SERP2: variants seen among roughly 807,000 people sequenced by gnomAD.
SERP2 encodes the protein stress-associated endoplasmic reticulum protein 2.
In SERP2, 6 loss-of-function variants were observed where a neutral mutation model predicts 9.1. The observed-to-expected ratio is 0.66, with a 90% CI of 0.36 to 1.30. SERP2 has a LOEUF of 1.30. Ranked by LOEUF, SERP2 falls within the 50% of genes most tolerant of loss-of-function variation. The pLI is 0.03. For synonymous variants in SERP2, 37 were observed against 27.3 expected (o/e 1.35, Z -1.10); for missense variants, 58 against 81.9 (o/e 0.71, Z 1.13).
At chr13:44,386,537 C>T (rs1158133540) in intron 2 of SERP2, among the ~76,000 whole-genome samples, 1 of 152,208 alleles carries the variant, frequency 6.6e-6, no homozygotes, top group Non-Finnish European at 1.5e-5. Context: ...GCATGCGCCA[C>T]CATGCCCAGC....
intron 2 of SERP2, among the ~76,000 whole-genome samples, chr13:44,380,795 C>A (rs1260131343): frequency 2.6e-5 from 4 of 152,178 alleles, no homozygotes; most frequent in African/African-American, 9.7e-5. Context: ...TTTACCCAAT[C>A]CCTATTTGAA....
At chr13:44,374,133 A>T in intron 1 of SERP2, 24 bp downstream of exon 1, 2 of 1,140,388 alleles carry the variant, frequency 1.8e-6, no homozygotes, top group Non-Finnish European at 2.3e-6. Context: ...GGCGCCGGCC[A>T]GGCAGAGCCC....
At position 44,373,892 on chromosome 13, in the gene SERP2, G is replaced by A. The variant is rs1192495025; in HGVS notation, c.-134G>A. The A allele has an allele frequency of 2.2e-5, 16 of 727,112 alleles. No homozygotes were observed. The highest frequency in any genetic ancestry group is 5.7e-5 in the African/African-American group (3 of 53,078). 45.0% of individuals were successfully genotyped at this position (727,112 alleles called of 1,614,324 possible). A position where few individuals can be genotyped will look rare whatever the true frequency, so the allele number is the denominator to read the frequency against. On this transcript the variant is annotated 5_prime_UTR_variant, in exon 1 of 3. Transcript: ENST00000379179. The surrounding 1 kb of genome is among the most constrained non-coding windows in gnomAD (Gnocchi z 4.8). ...GGGCTCGGGGAGCGGGGTGCGCAGG[G>A]CTCGGGGCCACGCCTTGCCACCTGC...
chr13:44,396,840 G>A (rs9533841), intron 2 of SERP2, among the ~76,000 whole-genome samples: 15,523 of 152,230 alleles, frequency 0.1, 1,010 homozygotes, highest in Middle Eastern at 0.18. Context: ...GCACCTGGTC[G>A]GCCTTCCCAG....
intron 2 of SERP2, among the ~76,000 whole-genome samples, chr13:44,388,342 A>ACGTG (rs1872444251): frequency 6.6e-6 from 1 of 152,110 alleles, no homozygotes; most frequent in Non-Finnish European, 1.5e-5. Context: ...GTGTTCATGA[A>ACGTG]TGTGTATGTA....
chr13:44,374,208 G>C, intron 1 of SERP2, 99 bp downstream of exon 1: 1 of 807,144 alleles, frequency 1.2e-6, no homozygotes, highest in Non-Finnish European at 1.8e-6. Flanking sequence ...GCAGGGTCCG[G>C]CCTCCCGGCT....
intron 2 of SERP2, among the ~76,000 whole-genome samples, chr13:44,392,196 CAA>C (rs760513486): frequency 2.8e-5 from 1 of 35,980 alleles, no homozygotes; most frequent in Non-Finnish European, 4.4e-5. Flanking sequence ...GACTCTGTCT[CAA>C]AAAAAAAAAA....
chr13:44,392,055 G>C (rs1395848357), intron 2 of SERP2, among the ~76,000 whole-genome samples: 3 of 151,456 alleles, frequency 2.0e-5, no homozygotes, highest in Non-Finnish European at 4.4e-5. Context: ...AAAATTAGCT[G>C]GGCATGGTGG....
intron 2 of SERP2, among the ~76,000 whole-genome samples, chr13:44,395,509 CAGG>C (rs766324648): frequency 6.7e-6 from 1 of 148,938 alleles, no homozygotes; most frequent in East Asian, 2.0e-4. Context: ...GAGCCTGAGG[CAGG>C]AGAATGGCGT....
chr13:44,385,709 T>G (rs1872274869), intron 2 of SERP2, among the ~76,000 whole-genome samples: 4 of 152,204 alleles, frequency 2.6e-5, no homozygotes, highest in South Asian at 4.1e-4. Context: ...TTTTGTCAGC[T>G]GAATGACCTT....
chr13:44,380,714 T>A (rs780065144), intron 2 of SERP2, among the ~76,000 whole-genome samples: 7 of 152,162 alleles, frequency 4.6e-5, no homozygotes, highest in Non-Finnish European at 1.0e-4. Flanking sequence ...TGAGAAAATC[T>A]TACACTCAAA....
chr13:44,376,774 AAAAAAAAAAAGG>A (rs1260748235), intron 1 of SERP2, among the ~76,000 whole-genome samples: 2 of 145,170 alleles, frequency 1.4e-5, no homozygotes, highest in African/African-American at 2.5e-5. Flanking sequence ...GACTCCGTCT[AAAAAAAAAAAGG>A]AAACAGAGAA....
intron 2 of SERP2, among the ~76,000 whole-genome samples, chr13:44,394,297 G>A (rs1872957021): frequency 1.3e-5 from 2 of 152,076 alleles, no homozygotes; most frequent in South Asian, 4.1e-4. Flanking sequence ...GCTAATTTTT[G>A]TATTTTTAGT....
chr13:44,374,171 T>TGGGGGGGGTGGG, intron 1 of SERP2, 62 bp downstream of exon 1: 1 of 94,476 alleles, frequency 1.1e-5, no homozygotes, highest in Non-Finnish European at 1.7e-5. Context: ...GGGCGGAAGG[T>TGGGGGGGGTGGG]GGGGGCGGGG....
At chr13:44,387,638 G>A (rs1159553772) in intron 2 of SERP2, among the ~76,000 whole-genome samples, 1 of 152,098 alleles carries the variant, frequency 6.6e-6, no homozygotes, top group Non-Finnish European at 1.5e-5. Flanking sequence ...TCTGAGCTCT[G>A]GGTGTGATAC....
At chr13:44,388,338 A>T (rs1872443292) in intron 2 of SERP2, among the ~76,000 whole-genome samples, 1 of 6,272 alleles carries the variant, frequency 1.6e-4, no homozygotes, top group African/African-American at 4.9e-4. Flanking sequence ...TAGTGTGTTC[A>T]TGAATGTGTA....
intron 1 of SERP2, among the ~76,000 whole-genome samples, chr13:44,375,513 T>C (rs1871599467): frequency 6.6e-6 from 1 of 152,152 alleles, no homozygotes; most frequent in Non-Finnish European, 1.5e-5. Context: ...TCCCTATTTT[T>C]ACTGAGGAAA....
chr13:44,384,197 T>A (rs1275096033), intron 2 of SERP2, among the ~76,000 whole-genome samples: 2 of 152,160 alleles, frequency 1.3e-5, no homozygotes, highest in East Asian at 3.9e-4. Flanking sequence ...AAACAGAACA[T>A]GTCATGGGAA....
At chr13:44,396,226 T>C (rs1156503665) in intron 2 of SERP2, 1 of 165,826 alleles carries the variant, frequency 6.0e-6, no homozygotes, top group Admixed American at 6.3e-5. Flanking sequence ...TGAAGCGCAG[T>C]GTCTGACACA....
Sources: gnomAD v4.1 joint callset for allele counts (sites outside exome capture counted in the v4.1 genomes callset) on GRCh38, gnomAD v4.1.1 for gene constraint, Gnocchi (gnomAD v3.1) non-coding constraint, MANE v1.5 for transcripts, NCBI Gene and HGNC (gene_info 2026-07-23, HGNC 2026-07-21) for gene names.